LRRTM4: variants seen among roughly 807,000 people sequenced by gnomAD.
The protein encoded by LRRTM4 is leucine-rich repeat transmembrane neuronal protein 4.
Under a neutral mutation model 47.6 loss-of-function variants are expected in LRRTM4, and 25 were observed. The observed-to-expected ratio is 0.53, with a 90% CI of 0.38 to 0.73. LRRTM4 has a LOEUF of 0.73. Among genes scored for constraint, LRRTM4 ranks in the 30% least tolerant of loss-of-function variants. LRRTM4 has a pLI of 0.00. For synonymous variants in LRRTM4, 311 were observed against 269.5 expected (o/e 1.15, Z -1.51); for missense variants, 638 against 713.4 (o/e 0.89, Z 1.20).
chr2:77,035,571 A>C (rs917367170), intron 3 of LRRTM4, among the ~76,000 whole-genome samples: 1 of 152,018 alleles, frequency 6.6e-6, no homozygotes, highest in African/African-American at 2.4e-5. Context: ...TAAACCCAAG[A>C]AACAAAAATG....
intron 3 of LRRTM4, among the ~76,000 whole-genome samples, chr2:77,255,807 T>C (rs1675749896): frequency 6.6e-6 from 1 of 152,050 alleles, no homozygotes; most frequent in African/African-American, 2.4e-5. Context: ...AAACAATTTA[T>C]AGCATTAACC....
chr2:76,914,445 T>C (rs1337756688), intron 3 of LRRTM4, among the ~76,000 whole-genome samples: 1 of 152,138 alleles, frequency 6.6e-6, no homozygotes, highest in Non-Finnish European at 1.5e-5. Flanking sequence ...CTGATCTGGA[T>C]TATATTTTTT....
chr2:76,926,212 T>C (rs1674585223), intron 3 of LRRTM4, among the ~76,000 whole-genome samples: 1 of 152,102 alleles, frequency 6.6e-6, no homozygotes, highest in Admixed American at 6.6e-5. Flanking sequence ...TGTCTAGGAG[T>C]ACTTTTATAA....
intron 3 of LRRTM4, among the ~76,000 whole-genome samples, chr2:77,362,256 A>G (rs1253366450): frequency 6.6e-6 from 1 of 152,184 alleles, no homozygotes; most frequent in Non-Finnish European, 1.5e-5. Flanking sequence ...CTGGCTCCGG[A>G]GTCCATAGTC....
intron 3 of LRRTM4, among the ~76,000 whole-genome samples, chr2:77,155,616 G>T (rs1320024145): frequency 6.6e-6 from 1 of 151,896 alleles, no homozygotes; most frequent in Admixed American, 6.6e-5. Flanking sequence ...ATCAGGAGCA[G>T]GGTGTGGGGG....
chr2:76,814,229 C>G (rs1463296287), intron 3 of LRRTM4, among the ~76,000 whole-genome samples: 2 of 151,922 alleles, frequency 1.3e-5, no homozygotes, highest in African/African-American at 4.8e-5. Context: ...TAGAAAAAAG[C>G]TTATATAATA....
At chr2:76,828,747 A>G (rs533632423) in intron 3 of LRRTM4, among the ~76,000 whole-genome samples, 4 of 151,990 alleles carry the variant, frequency 2.6e-5, no homozygotes, top group African/African-American at 7.2e-5. Context: ...CTAAAAACAG[A>G]TTCATCTTCT....
At chr2:77,475,969 T>C (rs746371035) in intron 3 of LRRTM4, among the ~76,000 whole-genome samples, 6 of 152,028 alleles carry the variant, frequency 3.9e-5, no homozygotes, top group Non-Finnish European at 8.8e-5. Flanking sequence ...AAAATAACTA[T>C]ATTATTTCAT....
chr2:77,045,258 A>G (rs1435606490), intron 3 of LRRTM4, among the ~76,000 whole-genome samples: 1 of 151,968 alleles, frequency 6.6e-6, no homozygotes, highest in Admixed American at 6.6e-5. Flanking sequence ...AAAAGTAGAG[A>G]AAAATCTCAC....
intron 3 of LRRTM4, among the ~76,000 whole-genome samples, chr2:77,091,157 C>T (rs1325266139): frequency 6.6e-6 from 1 of 151,912 alleles, no homozygotes; most frequent in Non-Finnish European, 1.5e-5. Flanking sequence ...ACTAAATTAT[C>T]TGCTTCCCTG....
intron 3 of LRRTM4, among the ~76,000 whole-genome samples, chr2:76,985,481 G>C (rs556830013): frequency 1.3e-5 from 2 of 152,076 alleles, no homozygotes; most frequent in South Asian, 4.1e-4. Context: ...CAGAGACCTT[G>C]AGTGACAGTA....
intron 3 of LRRTM4, among the ~76,000 whole-genome samples, chr2:76,773,820 C>T (rs1673826041): frequency 6.7e-6 from 1 of 149,404 alleles, no homozygotes; most frequent in South Asian, 2.1e-4. Context: ...TTTTTTTTTA[C>T]CATGTAGACA....
chr2:77,331,284 A>G (rs1298567945), intron 3 of LRRTM4, among the ~76,000 whole-genome samples: 7 of 152,190 alleles, frequency 4.6e-5, no homozygotes, highest in Non-Finnish European at 8.8e-5. Context: ...GGCAAACCAA[A>G]AGAAAACCAG....
intron 3 of LRRTM4, among the ~76,000 whole-genome samples, chr2:77,052,575 A>G (rs1226612519): frequency 6.7e-6 from 1 of 148,818 alleles, no homozygotes; most frequent in Non-Finnish European, 1.5e-5. Flanking sequence ...TTCAACTGGT[A>G]TTTTTTTTTT....
intron 3 of LRRTM4, among the ~76,000 whole-genome samples, chr2:77,415,641 C>T (rs1239199232): frequency 6.6e-6 from 1 of 152,120 alleles, no homozygotes; most frequent in African/African-American, 2.4e-5. Context: ...CAATATGTAG[C>T]TTCCTTAGAA....
intron 3 of LRRTM4, among the ~76,000 whole-genome samples, chr2:76,766,025 C>G (rs1673440806): frequency 6.6e-6 from 1 of 152,152 alleles, no homozygotes; most frequent in South Asian, 2.1e-4. Flanking sequence ...TTTATAGACT[C>G]TGGACTGAGA....
At chr2:77,357,332 T>C (rs1192369758) in intron 3 of LRRTM4, among the ~76,000 whole-genome samples, 1 of 152,146 alleles carries the variant, frequency 6.6e-6, no homozygotes, top group African/African-American at 2.4e-5. Flanking sequence ...TCCTGACCTT[T>C]TTCTATTTCC....
chr2:77,122,118 C>T (rs1671535441), intron 3 of LRRTM4, among the ~76,000 whole-genome samples: 1 of 151,586 alleles, frequency 6.6e-6, no homozygotes, highest in South Asian at 2.1e-4. Context: ...CTTTTAACAA[C>T]ATTTATACTA....
intron 3 of LRRTM4, among the ~76,000 whole-genome samples, chr2:76,749,868 T>C (rs1198399281): frequency 2.0e-5 from 3 of 152,202 alleles, no homozygotes; most frequent in Non-Finnish European, 4.4e-5. Flanking sequence ...TTGACACTCT[T>C]GATGAACAAT....
Sources: allele counts gnomAD v4.1 joint callset (sites outside exome capture counted in the v4.1 genomes callset), GRCh38; gene constraint gnomAD v4.1.1; transcripts MANE v1.5; gene names NCBI Gene and HGNC (gene_info 2026-07-23, HGNC 2026-07-21).